Variants in SNX27 observed in about 807,000 individuals in gnomAD.
SNX27 encodes sorting nexin-27.
SNX27 carries 22 observed loss-of-function variants against 71.6 expected under a neutral mutation model. That is an observed-to-expected ratio of 0.31 (90% confidence interval 0.22 to 0.44). The LOEUF (loss-of-function observed/expected upper bound fraction) is 0.44. Among genes scored for constraint, SNX27 ranks in the 20% least tolerant of loss-of-function variants. The probability of loss-of-function intolerance (pLI) is 1.00; values close to 1 mark genes in which losing one functional copy is unlikely to be tolerated. For missense variants in SNX27, 531 were observed against 698.6 expected, an observed-to-expected ratio of 0.76 and a Z score of 2.70; for synonymous variants, 269 against 277.2, an observed-to-expected ratio of 0.97 and a Z score of 0.29.
intron 7 of SNX27, among the ~76,000 whole-genome samples, chr1:151,673,807 C>T (rs917063627): frequency 1.3e-5 from 2 of 152,036 alleles, no homozygotes; most frequent in African/African-American, 4.8e-5. Flanking sequence ...TTGTCTTGTC[C>T]TATATTTTTG....
At chr1:151,651,826 G>A (rs1360952354) in intron 2 of SNX27, among the ~76,000 whole-genome samples, 8 of 151,888 alleles carry the variant, frequency 5.3e-5, no homozygotes, top group Non-Finnish European at 1.2e-4. Context: ...CTGCAATCTC[G>A]GCACTTTGGG....
chr1:151,628,632 T>A (rs1246431907), intron 1 of SNX27, among the ~76,000 whole-genome samples: 3 of 152,210 alleles, frequency 2.0e-5, no homozygotes, highest in Non-Finnish European at 4.4e-5. Flanking sequence ...CTCCACATCC[T>A]CACCAGCATT....
chr1:151,644,372 T>C (rs995835289), intron 2 of SNX27, among the ~76,000 whole-genome samples: 2 of 152,234 alleles, frequency 1.3e-5, no homozygotes, highest in Admixed American at 6.5e-5. Flanking sequence ...GGACATTTCA[T>C]AGAAATGGAA....
At chr1:151,665,558 T>C (rs1670152552) in intron 5 of SNX27, among the ~76,000 whole-genome samples, 1 of 152,348 alleles carries the variant, frequency 6.6e-6, no homozygotes, top group African/African-American at 2.4e-5. Context: ...TGTTTTCTTT[T>C]TAAGATCTGT....
At chr1:151,672,905 T>C (rs529009249) in intron 7 of SNX27, among the ~76,000 whole-genome samples, 8 of 151,982 alleles carry the variant, frequency 5.3e-5, no homozygotes, top group African/African-American at 1.9e-4. Flanking sequence ...TTTGTCTGTT[T>C]AACTTTTCAA....
chr1:151,672,660 A>T (rs544238159), intron 7 of SNX27, among the ~76,000 whole-genome samples: 6 of 152,096 alleles, frequency 3.9e-5, no homozygotes, highest in African/African-American at 1.4e-4. Context: ...TATGGCTTCG[A>T]TCTTGTTGCT....
In SNX27 at chr1:151,617,937, T is replaced by C. The variant is rs141251390; in HGVS notation, c.311+5425T>C. 4.5e-3 allele frequency among the ~76,000 whole-genome samples: 664 copies of C among 147,968 alleles called. 4 individuals are homozygous for C. Among genetic ancestry groups the C allele is most frequent in the Middle Eastern group, 0.038 (11 of 290 alleles). On this transcript the variant is annotated intron_variant, in intron 1 of 11. Transcript: ENST00000458013. ...GAGTCTCACTATGTTGCCCAGGCTG[T>C]ACTTGAATTCTGGGCTCAAGTGATC...
Position 151,698,332 on chromosome 1 carries a change from G to A in SNX27, c.*3915G>A, listed in dbSNP as rs1671877318. ...GCTCCTAGGAGGTAGTTTTCTTGAA[G>A]GGGACTGCATCCTAGTTGACCTGAA... On this transcript the variant is annotated 3_prime_UTR_variant, in exon 12 of 12. Transcript: ENST00000458013. 1 of 152,630 alleles carries A rather than the reference G, an allele frequency of 6.6e-6. No homozygotes were observed. The highest frequency in any genetic ancestry group is 6.5e-5 in the Admixed American group (1 of 15,278). 9.5% of individuals were successfully genotyped at this position (152,630 alleles called of 1,614,324 possible). A position where few individuals can be genotyped will look rare whatever the true frequency, so the allele number is the denominator to read the frequency against.
chr1:151,658,038 T>G (rs1669781248), intron 2 of SNX27, among the ~76,000 whole-genome samples, 197 bp from the exon 3 acceptor site: 1 of 152,080 alleles, frequency 6.6e-6, no homozygotes, highest in African/African-American at 2.4e-5. Context: ...ATCATGCTCC[T>G]TTGGTAGTCC....
chr1:151,633,161 C>T (rs185021717), intron 1 of SNX27, among the ~76,000 whole-genome samples: 9 of 152,162 alleles, frequency 5.9e-5, no homozygotes, highest in African/African-American at 1.7e-4. Flanking sequence ...CTTGAGCCAC[C>T]GCGCTCGGCC....
chr1:151,678,404 T>G lies in SNX27; in HGVS notation c.1150-4952T>G, dbSNP rs535185309. 3 of 152,384 alleles carry G rather than the reference T, an allele frequency of 2.0e-5. No homozygotes were observed. In the South Asian group the frequency reaches 6.2e-4, roughly 32 times the overall value. 9.4% of individuals were successfully genotyped at this position (152,384 alleles called of 1,614,324 possible). A position where few individuals can be genotyped will look rare whatever the true frequency, so the allele number is the denominator to read the frequency against. Reference sequence around the variant, plus strand: ...TCACTTAACATAATGGCCTCAAGTTTCATACGTGTTGTGGTAGTATATAAC... The same window carrying G: ...TCACTTAACATAATGGCCTCAAGTTGCATACGTGTTGTGGTAGTATATAAC... On this transcript the variant is annotated intron_variant, in intron 7 of 11. Coordinates refer to ENST00000458013, the MANE Select transcript of SNX27 (RefSeq NM_001330723.2).
At chr1:151,644,265 A>T (rs1002825643) in intron 2 of SNX27, among the ~76,000 whole-genome samples, 1 of 152,208 alleles carries the variant, frequency 6.6e-6, no homozygotes, top group African/African-American at 2.4e-5. Flanking sequence ...CTCAAAAAGA[A>T]TCTCATTCCT....
intron 3 of SNX27, 102 bp downstream of exon 3, chr1:151,658,529 G>T: frequency 8.5e-7 from 1 of 1,172,566 alleles, no homozygotes; most frequent in South Asian, 1.5e-5. Flanking sequence ...AATAGTGAAT[G>T]TAAGTCAGGT....
intron 11 of SNX27, chr1:151,693,742 A>G: frequency 6.4e-7 from 1 of 1,570,088 alleles, no homozygotes; most frequent in Non-Finnish European, 8.6e-7. Flanking sequence ...TCCATCTCTC[A>G]TGACTTCATG....
chr1:151,634,326 A>AT (rs749780216), intron 1 of SNX27, among the ~76,000 whole-genome samples: 1 of 152,138 alleles, frequency 6.6e-6, no homozygotes, highest in Non-Finnish European at 1.5e-5. Flanking sequence ...TCAAAATAGT[A>AT]TTTTGCTTAC....
Position 151,639,254 on chromosome 1 carries a change from A to G in SNX27, c.543+135A>G, listed in dbSNP as rs567753836. On this transcript the variant is annotated intron_variant, in intron 2 of 11. Coordinates refer to ENST00000458013, the MANE Select transcript of SNX27 (RefSeq NM_001330723.2). Reference sequence around the variant, plus strand: ...GTCTACCAGGAGGATGAGTTCACACATAAATAAAAGACACTGACCCTGATT... The same window carrying G: ...GTCTACCAGGAGGATGAGTTCACACGTAAATAAAAGACACTGACCCTGATT... 3.6e-4 allele frequency: 253 copies of G among 699,922 alleles called. 3 individuals are homozygous for G. The South Asian group carries it at 4.1e-3, about 11-fold the overall frequency. 43.4% of individuals were successfully genotyped at this position (699,922 alleles called of 1,614,324 possible). A position where few individuals can be genotyped will look rare whatever the true frequency, so the allele number is the denominator to read the frequency against.
intron 8 of SNX27, among the ~76,000 whole-genome samples, chr1:151,688,477 C>T (rs1283658495): frequency 4.0e-5 from 6 of 151,872 alleles, no homozygotes. Context: ...ACTAAAAGTA[C>T]AAAAAATTGC....
intron 1 of SNX27, among the ~76,000 whole-genome samples, chr1:151,616,556 C>CT (rs1404048588): frequency 2.6e-5 from 4 of 152,134 alleles, no homozygotes; most frequent in Non-Finnish European, 5.9e-5. Context: ...AGTTTTTTAA[C>CT]TTCATTTTAT....
At chr1:151,652,842 G>T (rs1400533049) in intron 2 of SNX27, among the ~76,000 whole-genome samples, 1 of 151,454 alleles carries the variant, frequency 6.6e-6, no homozygotes, top group South Asian at 2.1e-4. Context: ...GTTAATCACG[G>T]TTATTCTAAT....
Sources: gnomAD v4.1 joint callset for allele counts (sites outside exome capture counted in the v4.1 genomes callset) on GRCh38, gnomAD v4.1.1 for gene constraint, MANE v1.5 for transcripts, NCBI Gene and HGNC (gene_info 2026-07-23, HGNC 2026-07-21) for gene names.